Variants in GRIK1 observed in about 807,000 individuals in gnomAD.
GRIK1 encodes glutamate receptor ionotropic, kainate 1.
Under a neutral mutation model 105.7 loss-of-function variants are expected in GRIK1, and 69 were observed. The observed-to-expected ratio is 0.65, with a 90% confidence interval of 0.54 to 0.80. The LOEUF is 0.80. GRIK1 is among the 30% of genes least tolerant of loss of function. The probability of loss-of-function intolerance (pLI) is 0.00; values close to 1 mark genes in which losing one functional copy is unlikely to be tolerated. For synonymous variants in GRIK1, 438 were observed against 431.3 expected (o/e 1.02, Z -0.19); for missense variants, 1,109 against 1,167.3 (o/e 0.95, Z 0.73).
intron 7 of GRIK1, among the ~76,000 whole-genome samples, chr21:29,605,927 A>G (rs1034202799): frequency 8.5e-5 from 13 of 152,164 alleles, no homozygotes; most frequent in African/African-American, 2.6e-4. Flanking sequence ...CTCAAGGTTA[A>G]CTTTCCTTGC....
intron 7 of GRIK1, among the ~76,000 whole-genome samples, chr21:29,607,836 A>G (rs2146357263): frequency 6.6e-6 from 1 of 152,322 alleles, no homozygotes; most frequent in Non-Finnish European, 1.5e-5. Context: ...TTGACACATA[A>G]TGTTTAAAAT....
intron 12 of GRIK1, among the ~76,000 whole-genome samples, chr21:29,583,660 A>G (rs2091070124): frequency 6.6e-6 from 1 of 152,198 alleles, no homozygotes; most frequent in South Asian, 2.1e-4. Context: ...CTAAACAGCA[A>G]TGTGATTCTG....
At chr21:29,717,228 G>T (rs1442469872) in intron 1 of GRIK1, among the ~76,000 whole-genome samples, 1 of 152,252 alleles carries the variant, frequency 6.6e-6, no homozygotes, top group Non-Finnish European at 1.5e-5. Context: ...ATCTCTGCTA[G>T]GGCAGTGTGG....
Position 29,934,383 on chromosome 21 carries a change from T to A in GRIK1, c.118+5000A>T, listed in dbSNP as rs188557505. On this transcript the variant is annotated intron_variant, in intron 1 of 17. Transcript: ENST00000327783. The stretch of plus-strand genomic sequence containing the variant: ...GTGAAAGGGGAAAGATCTGCTCATT[T>A]GCAGAAACATGTTAACGTTAGTCAG... 1.7e-3 allele frequency among the ~76,000 whole-genome samples: 252 copies of A among 152,304 alleles called. 2 individuals are homozygous for A. Among genetic ancestry groups the A allele is most frequent in the Admixed American group, 3.4e-3 (52 of 15,286 alleles).
intron 7 of GRIK1, among the ~76,000 whole-genome samples, chr21:29,604,908 T>C (rs2061583338): frequency 6.6e-6 from 1 of 152,222 alleles, no homozygotes; most frequent in African/African-American, 2.4e-5. Flanking sequence ...TCTCAAGATA[T>C]TTATTGTCCA....
chr21:29,699,799 C>T (rs1160206015), intron 1 of GRIK1, among the ~76,000 whole-genome samples: 1 of 152,052 alleles, frequency 6.6e-6, no homozygotes, highest in African/African-American at 2.4e-5. Context: ...CAGGCAAGCA[C>T]CACCACACCC....
intron 1 of GRIK1, among the ~76,000 whole-genome samples, chr21:29,910,711 A>G (rs890934144): frequency 6.6e-6 from 1 of 152,124 alleles, no homozygotes; most frequent in African/African-American, 2.4e-5. Context: ...CTAACTAATT[A>G]TAGGACATGT....
chr21:29,687,426 GT>G (rs1404761176), intron 3 of GRIK1, among the ~76,000 whole-genome samples: 1 of 152,142 alleles, frequency 6.6e-6, no homozygotes, highest in Non-Finnish European at 1.5e-5. Context: ...CACAAGGCTT[GT>G]GCTTTTATTG....
rs1601810363 is a variant in GRIK1 at position 29,833,461 on chromosome 21, A to T, written c.118+105922T>A. On this transcript the variant is annotated intron_variant, in intron 1 of 17. Transcript: ENST00000327783. Reference sequence around the variant, plus strand: ...CCTATAAAGAAAAGAGGTTTAACTGACTCACAGTTTTGCATGCTGTAAAGG... The same window carrying T: ...CCTATAAAGAAAAGAGGTTTAACTGTCTCACAGTTTTGCATGCTGTAAAGG... Among the ~76,000 whole-genome samples, 6 of 152,126 alleles carry T rather than the reference A, an allele frequency of 3.9e-5. No individual in the cohort carries two copies. The South Asian group carries it at 1.2e-3, about 32-fold the overall frequency.
chr21:29,683,654 A>G (rs1032209727), intron 3 of GRIK1, among the ~76,000 whole-genome samples: 1 of 152,302 alleles, frequency 6.6e-6, no homozygotes, highest in Non-Finnish European at 1.5e-5. Flanking sequence ...AAAAGTACCT[A>G]TTGGTACCTG....
At chr21:29,579,965 G>GTGTGTA (rs1568842835) in intron 13 of GRIK1, among the ~76,000 whole-genome samples, 20 of 143,150 alleles carry the variant, frequency 1.4e-4, no homozygotes, top group South Asian at 2.1e-4. Context: ...ATGTGTGTGT[G>GTGTGTA]TATATATATA....
intron 1 of GRIK1, among the ~76,000 whole-genome samples, chr21:29,811,590 CCTT>C (rs1414443978): frequency 1.3e-5 from 2 of 152,162 alleles, no homozygotes; most frequent in Non-Finnish European, 2.9e-5. Context: ...CTACCTCTCT[CCTT>C]CTTTAGGACA....
intron 1 of GRIK1, among the ~76,000 whole-genome samples, chr21:29,818,572 C>T (rs548487824): frequency 4.5e-4 from 69 of 152,212 alleles, no homozygotes; most frequent in African/African-American, 1.7e-3. Context: ...CCAGCTTGCT[C>T]ATATCCTCAT....
At chr21:29,743,565 T>A (rs1344311664) in intron 1 of GRIK1, among the ~76,000 whole-genome samples, 1 of 151,994 alleles carries the variant, frequency 6.6e-6, no homozygotes, top group Non-Finnish European at 1.5e-5. Flanking sequence ...CGTGGTAGCA[T>A]GCACCTGTAG....
chr21:29,867,940 G>GAGAAAGAAAGAGAGAA (rs1569174633), intron 1 of GRIK1, among the ~76,000 whole-genome samples: 29 of 107,402 alleles, frequency 2.7e-4, no homozygotes, highest in African/African-American at 1.1e-3. Context: ...GAGAGAAAGA[G>GAGAAAGAAAGAGAGAA]AGAGAGAAAG....
intron 1 of GRIK1, among the ~76,000 whole-genome samples, chr21:29,828,653 T>A (rs1161833084): frequency 6.6e-6 from 1 of 151,928 alleles, no homozygotes; most frequent in Non-Finnish European, 1.5e-5. Context: ...AGCTGCACAC[T>A]ACCACACCCA....
At chr21:29,793,033 C>A (rs78862973) in intron 1 of GRIK1, among the ~76,000 whole-genome samples, 3 of 152,082 alleles carry the variant, frequency 2.0e-5, no homozygotes, top group Non-Finnish European at 4.4e-5. Flanking sequence ...CTTCATTGCA[C>A]GTGAGCAAAT....
intron 1 of GRIK1, among the ~76,000 whole-genome samples, chr21:29,717,356 G>T (rs956631734): frequency 2.6e-5 from 4 of 152,316 alleles, no homozygotes; most frequent in Middle Eastern, 3.4e-3. Context: ...CCAACAGCTT[G>T]CACCATGTGC....
At chr21:29,550,131 A>AAC (rs2090109596) in intron 16 of GRIK1, among the ~76,000 whole-genome samples, 1 of 148,286 alleles carries the variant, frequency 6.7e-6, no homozygotes, top group Non-Finnish European at 1.5e-5. Flanking sequence ...AAAAAAAAAA[A>AAC]AAAAGTGTGA....
Sources: allele counts gnomAD v4.1 joint callset (sites outside exome capture counted in the v4.1 genomes callset), GRCh38; gene constraint gnomAD v4.1.1; transcripts MANE v1.5; gene names NCBI Gene and HGNC (gene_info 2026-07-23, HGNC 2026-07-21).